Variants in PIAS4 observed in about 807,000 individuals in gnomAD.
PIAS4 encodes the protein E3 SUMO-protein ligase PIAS4.
PIAS4 carries 7 observed loss-of-function variants against 58.0 expected under a neutral mutation model. The observed-to-expected ratio is 0.12, with a 90% CI of 0.07 to 0.23. PIAS4 has a LOEUF of 0.23. PIAS4 is among the 10% of genes least tolerant of loss of function. PIAS4 has a pLI of 1.00. For missense variants in PIAS4, 550 were observed against 709.5 expected (o/e 0.78, Z 2.55); for synonymous variants, 364 against 312.4 (o/e 1.17, Z -1.74).
chr19:4,026,693 T>C (rs971126220), intron 3 of PIAS4, among the ~76,000 whole-genome samples: 6 of 152,050 alleles, frequency 3.9e-5, no homozygotes, highest in Admixed American at 2.0e-4. Context: ...CGTTTATTAT[T>C]ATTATTTAAG....
At chr19:4,032,990 CAG>C (rs1445207882) in intron 7 of PIAS4, 108 bp from the exon 8 acceptor site, 12 of 852,524 alleles carry the variant, frequency 1.4e-5, no homozygotes, top group Middle Eastern at 2.3e-4. Flanking sequence ...GACTCATCGT[CAG>C]GGGCCTGTTC....
At chr19:4,019,922 CTT>C (rs772388255) in intron 2 of PIAS4, among the ~76,000 whole-genome samples, 34 of 144,632 alleles carry the variant, frequency 2.4e-4, no homozygotes, top group Non-Finnish European at 3.5e-4. Flanking sequence ...TGGCTTTTTT[CTT>C]TTTTTTTTTT....
chr19:4,015,629 G>A (rs573513523), intron 2 of PIAS4, among the ~76,000 whole-genome samples: 1 of 152,262 alleles, frequency 6.6e-6, no homozygotes, highest in South Asian at 2.1e-4. Flanking sequence ...ATGGTTTTAG[G>A]ACCTGAGATG....
chr19:4,035,371 C>T (rs570149805), intron 9 of PIAS4, among the ~76,000 whole-genome samples: 8 of 152,236 alleles, frequency 5.3e-5, no homozygotes, highest in South Asian at 2.1e-4. Context: ...TCCCTTCCTG[C>T]GGGTGGGGAG....
rs1020749775 is a variant in PIAS4 at position 4,036,408 on chromosome 19, G to A, written c.1143-966G>A. ...CACACACGTCTATACAGTCCACACT[G>A]TCACACATCCGTACAGTCCACACTG... On this transcript the variant is annotated intron_variant, in intron 9 of 10. Transcript: ENST00000262971. Among the ~76,000 whole-genome samples, 30 of 118,296 alleles carry A rather than the reference G, an allele frequency of 2.5e-4. 2 individuals are homozygous for A. The South Asian group carries it at 5.3e-3, about 21-fold the overall frequency. The allele number at this position is 118,296 out of a possible 152,430, so 77.6% of individuals were successfully genotyped here. A position where few individuals can be genotyped will look rare whatever the true frequency, so the allele number is the denominator to read the frequency against.
intron 2 of PIAS4, among the ~76,000 whole-genome samples, chr19:4,023,572 T>C (rs1013985015): frequency 2.0e-5 from 3 of 152,222 alleles, no homozygotes; most frequent in Non-Finnish European, 4.4e-5. Context: ...GTGAGCACCA[T>C]GGCCTTCATC....
intron 7 of PIAS4, among the ~76,000 whole-genome samples, chr19:4,032,078 G>C (rs2890213): frequency 0.64 from 97,956 of 152,018 alleles, 34,598 homozygotes; most frequent in East Asian, 0.95. Flanking sequence ...CCACACCCCG[G>C]CTGGGGGTCT....
At position 4,038,356 on chromosome 19, in the gene PIAS4, C is replaced by T. The variant is rs770071219; in HGVS notation, c.*481C>T. On this transcript the variant is annotated 3_prime_UTR_variant, in exon 11 of 11. Transcript: ENST00000262971. This position sits in a 1 kb window ranked among gnomAD's most constrained non-coding sequence, Gnocchi z 4.1. ...GTTTGTCTCTTCCTTTGCTTTTTCT[C>T]TGCAAATGCATCCTCGCCCAGAGAC... The T allele has an allele frequency of 6.6e-6, 1 of 151,992 alleles. No individual in the cohort carries two copies. The highest frequency in any genetic ancestry group is 1.5e-5 in the Non-Finnish European group (1 of 68,154). 9.4% of individuals were successfully genotyped at this position (151,992 alleles called of 1,614,324 possible).
chr19:4,023,375 G>A (rs912434113), intron 2 of PIAS4, among the ~76,000 whole-genome samples: 12 of 151,774 alleles, frequency 7.9e-5, no homozygotes, highest in East Asian at 1.9e-4. Context: ...CAGGAGAATC[G>A]CTTAAACCCG....
intron 2 of PIAS4, chr19:4,018,656 G>A (rs762194928): frequency 2.0e-5 from 3 of 152,250 alleles, no homozygotes; most frequent in Admixed American, 6.5e-5. Flanking sequence ...TCCCCCTTGG[G>A]GAACTTCATG....
chr19:4,008,675 G>A (rs1182582341), intron 1 of PIAS4, among the ~76,000 whole-genome samples: 2 of 152,070 alleles, frequency 1.3e-5, no homozygotes, highest in African/African-American at 4.8e-5. Flanking sequence ...TGCTTCAGGG[G>A]GCTCTAAACC....
At chr19:4,011,654 TGTTTGGTGTG>T (rs1568211523) in intron 1 of PIAS4, among the ~76,000 whole-genome samples, 3 of 150,630 alleles carry the variant, frequency 2.0e-5, no homozygotes, top group Non-Finnish European at 3.0e-5. Context: ...TGTGGAGGTG[TGTTTGGTGTG>T]GAGGTGTGGG....
chr19:4,034,507 C>G (rs1211001529), intron 9 of PIAS4, among the ~76,000 whole-genome samples: 1 of 152,252 alleles, frequency 6.6e-6, no homozygotes, highest in African/African-American at 2.4e-5. Context: ...CAGGCTGAGA[C>G]TTGAACCCAG....
chr19:4,034,607 A>T (rs1388226500), intron 9 of PIAS4, among the ~76,000 whole-genome samples: 1 of 152,206 alleles, frequency 6.6e-6, no homozygotes, highest in Non-Finnish European at 1.5e-5. Context: ...TGGGCCGGGC[A>T]CGTGGGCTGC....
chr19:4,017,524 TC>T (rs2040064386), intron 2 of PIAS4, among the ~76,000 whole-genome samples: 1 of 152,020 alleles, frequency 6.6e-6, no homozygotes, highest in South Asian at 2.1e-4. Flanking sequence ...CTACTCTTGA[TC>T]TGGGGGACCT....
rs569626135 is a variant in PIAS4, at chr19:4,033,034, C to A, written c.908-66C>A. ...GTGGACGTCAGTGCCGGAGAGAACTCGAATCACAGCCCCGCGCCCTGCTGT... is the reference window on the plus strand; with the variant it reads ...GTGGACGTCAGTGCCGGAGAGAACTAGAATCACAGCCCCGCGCCCTGCTGT... On this transcript the variant is annotated intron_variant, in intron 7 of 10. Transcript: ENST00000262971. 2.3e-6 allele frequency: 3 copies of A among 1,314,236 alleles called. No individual in the cohort carries two copies. In the East Asian group the frequency reaches 7.0e-5, roughly 31 times the overall value. 81.4% of individuals were successfully genotyped at this position (1,314,236 alleles called of 1,614,324 possible). A position where few individuals can be genotyped will look rare whatever the true frequency, so the allele number is the denominator to read the frequency against.
At chr19:4,035,278 G>A (rs73532388) in intron 9 of PIAS4, among the ~76,000 whole-genome samples, 13,305 of 152,166 alleles carry the variant, frequency 0.087, 1,927 homozygotes, top group African/African-American at 0.3. Flanking sequence ...CTGTAGCCTT[G>A]ACAGTAACAG....
chr19:4,015,117 A>C (rs1387199704), intron 2 of PIAS4, among the ~76,000 whole-genome samples: 3 of 152,162 alleles, frequency 2.0e-5, no homozygotes, highest in Non-Finnish European at 4.4e-5. Context: ...TCTTGGCCTG[A>C]GTTCCATCGG....
At chr19:4,018,117 C>T (rs576339033) in intron 2 of PIAS4, among the ~76,000 whole-genome samples, 1 of 152,358 alleles carries the variant, frequency 6.6e-6, no homozygotes, top group East Asian at 1.9e-4. Context: ...CGGCCCCAGT[C>T]AGCCTTTTAA....
Sources: gnomAD v4.1 joint callset for allele counts (sites outside exome capture counted in the v4.1 genomes callset) on GRCh38, gnomAD v4.1.1 for gene constraint, Gnocchi (gnomAD v3.1) non-coding constraint, MANE v1.5 for transcripts, NCBI Gene and HGNC (gene_info 2026-07-23, HGNC 2026-07-21) for gene names.